The following CNTNAP2 variants were observed in gnomAD, a reference collection of about 807,000 sequenced individuals.
CNTNAP2 encodes contactin-associated protein-like 2.
A neutral mutation model predicts 155.2 loss-of-function variants in CNTNAP2; 98 were observed. The ratio of observed to expected loss-of-function variants is 0.63; its 90% CI spans 0.54 to 0.75. The LOEUF (loss-of-function observed/expected upper bound fraction) is 0.75. Ranked by LOEUF, CNTNAP2 falls within the 30% of genes least tolerant of loss-of-function variation. The pLI is 0.00. For missense variants in CNTNAP2, 1,727 were observed against 1,688.1 expected (o/e 1.02, Z -0.40); for synonymous variants, 651 against 631.2 (o/e 1.03, Z -0.47).
At chr7:146,491,620 G>A (rs979775939) in intron 1 of CNTNAP2, among the ~76,000 whole-genome samples, 7 of 152,188 alleles carry the variant, frequency 4.6e-5, no homozygotes, top group South Asian at 2.1e-4. Flanking sequence ...ATTGGAGAGC[G>A]TTTTTAGAGA....
At chr7:147,825,843 G>T (rs879427781) in intron 13 of CNTNAP2, among the ~76,000 whole-genome samples, 12 of 152,092 alleles carry the variant, frequency 7.9e-5, no homozygotes, top group South Asian at 6.2e-4. Context: ...GCCAAGGAAG[G>T]CTTTTTAAAA....
intron 1 of CNTNAP2, among the ~76,000 whole-genome samples, chr7:146,651,675 G>T (rs1422066301): frequency 1.3e-5 from 2 of 152,052 alleles, no homozygotes; most frequent in Non-Finnish European, 2.9e-5. Flanking sequence ...TTCCTGAGTG[G>T]AAACAACATT....
At chr7:147,889,073 C>T (rs1799644129) in intron 13 of CNTNAP2, among the ~76,000 whole-genome samples, 1 of 151,940 alleles carries the variant, frequency 6.6e-6, no homozygotes, top group Non-Finnish European at 1.5e-5. Context: ...AATAAATATA[C>T]TATGTTGAGA....
intron 15 of CNTNAP2, among the ~76,000 whole-genome samples, chr7:148,083,957 T>A (rs976849932): frequency 1.3e-5 from 2 of 152,204 alleles, no homozygotes; most frequent in African/African-American, 4.8e-5. Context: ...CAGTGCTTTT[T>A]AAACCAGGAT....
intron 8 of CNTNAP2, among the ~76,000 whole-genome samples, chr7:147,194,362 T>C (rs1288362416): frequency 1.3e-5 from 2 of 152,186 alleles, no homozygotes; most frequent in Non-Finnish European, 2.9e-5. Context: ...TCCATGTCTT[T>C]TCTGTTGTAA....
At chr7:146,167,637 A>G (rs1222441549) in intron 1 of CNTNAP2, among the ~76,000 whole-genome samples, 1 of 152,356 alleles carries the variant, frequency 6.6e-6, no homozygotes, top group South Asian at 2.1e-4. Context: ...TTTCAAAGAT[A>G]CAAGGAATAC....
In CNTNAP2 at chr7:147,383,108, A is replaced by G. The variant is rs116083115; in HGVS notation, c.1499-12501A>G. Among the ~76,000 whole-genome samples the G allele has an allele frequency of 3.7e-3, 561 of 152,228 alleles. 3 individuals are homozygous for G. Among genetic ancestry groups the G allele is most frequent in the African/African-American group, 0.013 (525 of 41,542 alleles). On this transcript the variant is annotated intron_variant, in intron 9 of 23. Coordinates refer to ENST00000361727, the MANE Select transcript of CNTNAP2 (RefSeq NM_014141.6). ...TATCCTAGAAAAAAAGTGATACTTA[A>G]TATTACATCTTCACTTCCTTTAGGT...
intron 3 of CNTNAP2, among the ~76,000 whole-genome samples, chr7:146,895,081 C>T (rs183362051): frequency 6.6e-6 from 1 of 152,136 alleles, no homozygotes; most frequent in East Asian, 1.9e-4. Flanking sequence ...ATTTCTTATG[C>T]TATAATGAAA....
rs761592112 is a variant in CNTNAP2, at chr7:147,977,913, A to G, written c.2307A>G (p.Gln769=). The change falls in exon 15 of 24, where the codon CAA becomes CAG. Residue 769 remains glutamine (Q), a synonymous_variant. Transcript: ENST00000361727. The part of the protein sequence containing the change: ...LSYKDHLPVS[Q]VVVGDTDRQG... ...ACAAAGATCACCTGCCAGTGAGCCA[A>G]GTGGTGGTTGGAGATACTGACCGTC... is the stretch of plus-strand genomic sequence containing the variant. 9 of 1,613,984 alleles carry G rather than the reference A, an allele frequency of 5.6e-6. No homozygotes were observed. The Admixed American group carries it at 6.7e-5, about 12-fold the overall frequency.
chr7:146,128,694 A>G (rs1253481229), intron 1 of CNTNAP2, among the ~76,000 whole-genome samples: 2 of 152,174 alleles, frequency 1.3e-5, no homozygotes, highest in African/African-American at 4.8e-5. Context: ...ACAATTGAAA[A>G]TGGAATTGAA....
intron 1 of CNTNAP2, among the ~76,000 whole-genome samples, chr7:146,701,150 C>T (rs140958095): frequency 1.0e-3 from 153 of 152,208 alleles, no homozygotes; most frequent in African/African-American, 3.5e-3. Flanking sequence ...TATCTGTTGG[C>T]GGGAAAGATA....
At chr7:146,569,183 A>AT (rs1302204515) in intron 1 of CNTNAP2, among the ~76,000 whole-genome samples, 1 of 151,792 alleles carries the variant, frequency 6.6e-6, no homozygotes. Flanking sequence ...CGCCCGGCTA[A>AT]TTTTTTGTAT....
intron 3 of CNTNAP2, among the ~76,000 whole-genome samples, chr7:146,857,930 C>T (rs1795022863): frequency 6.6e-6 from 1 of 150,940 alleles, no homozygotes; most frequent in Admixed American, 6.6e-5. Flanking sequence ...TCCTGAAAGT[C>T]AATAAAACTG....
At chr7:147,198,243 T>TTTTC (rs1554450301) in intron 8 of CNTNAP2, among the ~76,000 whole-genome samples, 19 of 146,212 alleles carry the variant, frequency 1.3e-4, no homozygotes, top group African/African-American at 4.8e-4. Flanking sequence ...TTTTTTTTTT[T>TTTTC]TTTTTTTTTT....
intron 8 of CNTNAP2, among the ~76,000 whole-genome samples, chr7:147,196,766 G>C (rs973952028): frequency 1.3e-5 from 2 of 152,150 alleles, no homozygotes; most frequent in Admixed American, 6.5e-5. Flanking sequence ...TGGCACAAGC[G>C]TGAAAGAGCA....
chr7:148,267,019 T>G lies in CNTNAP2; in HGVS notation c.3382-14T>G. The G allele has an allele frequency of 1.2e-6, 2 of 1,613,288 alleles. No individual in the cohort carries two copies. Among genetic ancestry groups the G allele is most frequent in the Non-Finnish European group, 1.7e-6 (2 of 1,179,248 alleles). ...GACGTGCTTCTAAAAGTGTCTCTTGTTTTCCTCCTGCAGCTCGATCATTAT... is the reference window on the plus strand; with the variant it reads ...GACGTGCTTCTAAAAGTGTCTCTTGGTTTCCTCCTGCAGCTCGATCATTAT... On this transcript the variant is annotated splice_polypyrimidine_tract_variant and intron_variant, in intron 20 of 23. Transcript: ENST00000361727.
intron 10 of CNTNAP2, among the ~76,000 whole-genome samples, chr7:147,441,813 T>TTCTTTCTCTCTCTCTC (rs1797640029): frequency 9.8e-6 from 1 of 102,114 alleles, no homozygotes; most frequent in Non-Finnish European, 1.8e-5. Flanking sequence ...TGTAGTCTCT[T>TTCTTTCTCTCTCTCTC]TCTCTCTCTC....
intron 1 of CNTNAP2, among the ~76,000 whole-genome samples, chr7:146,632,380 G>A (rs1288822250): frequency 1.3e-5 from 2 of 152,018 alleles, no homozygotes; most frequent in Non-Finnish European, 1.5e-5. Context: ...GACAGCAAAT[G>A]AATTTTTAGT....
At chr7:146,453,955 T>C (rs1261646124) in intron 1 of CNTNAP2, among the ~76,000 whole-genome samples, 1 of 151,954 alleles carries the variant, frequency 6.6e-6, no homozygotes, top group Non-Finnish European at 1.5e-5. Context: ...GGAGAAATGT[T>C]TGAAGAAATG....
Sources: gnomAD v4.1 joint callset for allele counts (sites outside exome capture counted in the v4.1 genomes callset) on GRCh38, gnomAD v4.1.1 for gene constraint, MANE v1.5 for transcripts, NCBI Gene and HGNC (gene_info 2026-07-23, HGNC 2026-07-21) for gene names.